Variants in MYO9A observed in about 807,000 individuals in gnomAD.
The protein encoded by MYO9A is myosin IXA, also known as unconventional myosin-IXa.
Under a neutral mutation model 293.3 loss-of-function variants are expected in MYO9A, and 103 were observed. The observed-to-expected ratio is 0.35, with a 90% confidence interval of 0.30 to 0.41. MYO9A has a LOEUF of 0.41. MYO9A is among the 10% of genes least tolerant of loss of function. MYO9A has a pLI of 1.00. For synonymous variants in MYO9A, 1,001 were observed against 1,035.7 expected, an observed-to-expected ratio of 0.97 and a Z score of 0.64; for missense variants, 2,685 against 3,033.0, an observed-to-expected ratio of 0.89 and a Z score of 2.69.
chr15:71,868,417 T>C (rs2056407186), intron 32 of MYO9A, among the ~76,000 whole-genome samples: 1 of 152,218 alleles, frequency 6.6e-6, no homozygotes, highest in Admixed American at 6.5e-5. Context: ...CTCTTCTGTC[T>C]TCCTCTTCAG....
chr15:71,827,676 TTATATTTCTTATCCCCA>T (rs1284765663), intron 41 of MYO9A, among the ~76,000 whole-genome samples, 191 bp downstream of exon 41: 4 of 152,026 alleles, frequency 2.6e-5, no homozygotes, highest in Non-Finnish European at 4.4e-5. Context: ...TCTTATCCCC[TTATATTTCTTATCCCCA>T]TCCAGGTCAC....
At chr15:72,073,938 A>G (rs1002838844) in intron 1 of MYO9A, among the ~76,000 whole-genome samples, 19 of 152,164 alleles carry the variant, frequency 1.2e-4, no homozygotes, top group African/African-American at 4.6e-4. Context: ...GGGGTCCACA[A>G]AACTTTTTCT....
At chr15:72,009,147 T>C (rs1280444891) in intron 7 of MYO9A, among the ~76,000 whole-genome samples, 3 of 152,162 alleles carry the variant, frequency 2.0e-5, no homozygotes, top group African/African-American at 4.8e-5. Flanking sequence ...TAAAAACTAA[T>C]GGAAGTCAAA....
intron 1 of MYO9A, among the ~76,000 whole-genome samples, chr15:72,099,256 T>C (rs887747917): frequency 2.0e-5 from 3 of 151,784 alleles, no homozygotes; most frequent in Non-Finnish European, 2.9e-5. Context: ...CTGGCCTACA[T>C]GGTGAAACCT....
intron 11 of MYO9A, among the ~76,000 whole-genome samples, chr15:71,983,442 A>T (rs2076324889): frequency 7.3e-6 from 1 of 137,850 alleles, no homozygotes; most frequent in African/African-American, 2.7e-5. Context: ...ACATTTAAAC[A>T]TTAAATAGTT....
chr15:72,079,155 C>T (rs1459689043), intron 1 of MYO9A, among the ~76,000 whole-genome samples: 3 of 152,084 alleles, frequency 2.0e-5, no homozygotes, highest in African/African-American at 4.8e-5. Flanking sequence ...TCAACTGTAA[C>T]AAATGGACCT....
intron 33 of MYO9A, 56 bp from the exon 34 acceptor site, chr15:71,859,852 A>ATTATC: frequency 3.5e-6 from 5 of 1,438,018 alleles, no homozygotes; most frequent in Non-Finnish European, 4.9e-6. Flanking sequence ...CAGTGATAAT[A>ATTATC]ACTTATCAAG....
chr15:71,874,651 C>G (rs1426458331), intron 32 of MYO9A, among the ~76,000 whole-genome samples: 3 of 152,082 alleles, frequency 2.0e-5, no homozygotes, highest in African/African-American at 7.2e-5. Context: ...GAAGGTAGAC[C>G]AGTATGAGAC....
intron 14 of MYO9A, 146 bp downstream of exon 14, chr15:71,959,755 G>T: frequency 1.5e-6 from 1 of 668,190 alleles, no homozygotes; most frequent in Non-Finnish European, 2.5e-6. Flanking sequence ...AATCAGTTAA[G>T]AGATGACACT....
chr15:71,947,217 G>A (rs1342916164), intron 15 of MYO9A, among the ~76,000 whole-genome samples: 1 of 149,738 alleles, frequency 6.7e-6, no homozygotes, highest in African/African-American at 2.5e-5. Context: ...GGGAGGTGGA[G>A]GTTGCAGTGA....
chr15:72,032,888 T>C (rs191529924), intron 2 of MYO9A, among the ~76,000 whole-genome samples: 121 of 152,328 alleles, frequency 7.9e-4, no homozygotes, highest in Non-Finnish European at 9.1e-4. Flanking sequence ...AGTCTCACTG[T>C]CGCCTAGGCT....
intron 1 of MYO9A, among the ~76,000 whole-genome samples, chr15:72,069,298 C>G (rs1178472574): frequency 1.3e-5 from 2 of 152,182 alleles, no homozygotes; most frequent in African/African-American, 4.8e-5. Flanking sequence ...TGAGGTTAAC[C>G]TTGCCACTGA....
intron 1 of MYO9A, among the ~76,000 whole-genome samples, chr15:72,080,282 C>G (rs1391783847): frequency 6.9e-6 from 1 of 145,038 alleles, no homozygotes; most frequent in Non-Finnish European, 1.5e-5. Flanking sequence ...AACAACGTAC[C>G]AATCAATAAA....
Position 71,959,931 on chromosome 15 carries a change from C to T in MYO9A, c.2152G>A (p.Ala718Thr). ...TTTCTGTGAATGTTTCTTTTCCCAGCTTCCCTGAAAGCAACCATGGCTCTG... is the reference window on the plus strand; with the variant it reads ...TTTCTGTGAATGTTTCTTTTCCCAGTTTCCCTGAAAGCAACCATGGCTCTG... Reference protein sequence around the residue: ...FFRAMVAFREAGKRNIHRKTG... With the variant: ...FFRAMVAFRETGKRNIHRKTG... The change falls in exon 14 of 42, where the codon GCT becomes ACT. Residue 718 changes from alanine (A) to threonine (T), a missense_variant. Physicochemically the swap from Ala to Thr is moderately conservative, Grantham distance 58. Around this residue, in one of 10 missense-constraint regions of MYO9A, gnomAD observed 1,434 missense variants for 1,497.7 expected, o/e 0.96. Transcript: ENST00000356056. 1.2e-6 allele frequency: 2 copies of T among 1,613,076 alleles called. No individual in the cohort carries two copies. Among genetic ancestry groups the T allele is most frequent in the Non-Finnish European group, 1.7e-6 (2 of 1,179,428 alleles).
chr15:72,034,328 A>T (rs897850551), intron 2 of MYO9A, among the ~76,000 whole-genome samples: 1 of 152,204 alleles, frequency 6.6e-6, no homozygotes, highest in Non-Finnish European at 1.5e-5. Flanking sequence ...TTTGACAACC[A>T]CCGCTCTACT....
Position 71,875,843 on chromosome 15 carries a change from C to G in MYO9A, c.5932-5G>C, listed in dbSNP as rs2056665073. The stretch of plus-strand genomic sequence containing the variant: ...CTTTCTTTCTGTTTTTGGCACCTGA[C>G]AGGGGGACAGGAGATATATGGAAAT... On this transcript the variant is annotated splice_polypyrimidine_tract_variant and splice_region_variant and intron_variant, in intron 31 of 41. Transcript: ENST00000356056. 4 of 1,366,062 alleles carry G rather than the reference C, an allele frequency of 2.9e-6. 1 individual carries two copies. Among genetic ancestry groups the G allele is most frequent in the South Asian group, 2.0e-5 (1 of 51,162 alleles). The allele number at this position is 1,366,062 out of a possible 1,614,324, so 84.6% of individuals were successfully genotyped here. A position where few individuals can be genotyped will look rare whatever the true frequency, so the allele number is the denominator to read the frequency against.
chr15:71,853,606 G>T (rs1031776708), intron 35 of MYO9A, among the ~76,000 whole-genome samples: 2 of 152,136 alleles, frequency 1.3e-5, no homozygotes, highest in African/African-American at 4.8e-5. Context: ...CTGAACACAG[G>T]TTCTTGCCCA....
chr15:71,893,571 T>C, intron 26 of MYO9A, 108 bp downstream of exon 26: 1 of 798,158 alleles, frequency 1.3e-6, no homozygotes, highest in Non-Finnish European at 2.0e-6. Context: ...TAAAAACACT[T>C]GGGAGTAAAT....
intron 1 of MYO9A, among the ~76,000 whole-genome samples, chr15:72,098,995 G>A (rs2080163235): frequency 6.6e-6 from 1 of 150,578 alleles, no homozygotes; most frequent in Non-Finnish European, 1.5e-5. Context: ...AAATAATTAA[G>A]AAATTAAAAA....
Sources: allele counts gnomAD v4.1 joint callset (sites outside exome capture counted in the v4.1 genomes callset), GRCh38; gene constraint gnomAD v4.1.1; regional missense constraint gnomAD v4.1.1; transcripts MANE v1.5; gene names NCBI Gene and HGNC (gene_info 2026-07-23, HGNC 2026-07-21).